LARP1: variants seen among roughly 807,000 people sequenced by gnomAD.
LARP1 encodes la-related protein 1.
LARP1 carries 36 observed loss-of-function variants against 122.7 expected under a neutral mutation model. That is an observed-to-expected ratio of 0.29 (90% CI 0.22 to 0.39). LARP1 has a LOEUF of 0.39. Among genes scored for constraint, LARP1 ranks in the 10% least tolerant of loss-of-function variants. The pLI is 1.00. For synonymous variants in LARP1, 539 were observed against 528.7 expected (o/e 1.02, Z -0.27); for missense variants, 1,040 against 1,403.6 (o/e 0.74, Z 4.14).
intron 1 of LARP1, among the ~76,000 whole-genome samples, chr5:154,723,745 CAGGAAGT>C (rs1307514243): frequency 6.6e-6 from 1 of 152,164 alleles, no homozygotes; most frequent in African/African-American, 2.4e-5. Context: ...AGCCCACAAC[CAGGAAGT>C]AGTATGCCAG....
upstream of LARP1, among the ~76,000 whole-genome samples, chr5:154,754,186 G>A (rs1225137831): frequency 6.6e-6 from 1 of 152,112 alleles, no homozygotes; most frequent in Non-Finnish European, 1.5e-5. Context: ...ATAGATACTA[G>A]ACAATAATTT....
Position 154,756,148 on chromosome 5 carries a change from G to T in LARP1, c.391G>T (p.Ala131Ser). The T allele has an allele frequency of 1.5e-6, 2 of 1,314,132 alleles. No homozygotes were observed. Among genetic ancestry groups the T allele is most frequent in the Non-Finnish European group, 2.0e-6 (2 of 998,058 alleles). The allele number at this position is 1,314,132 out of a possible 1,614,324, so 81.4% of individuals were successfully genotyped here. The change falls in exon 1 of 19, where the codon GCA becomes TCA. Residue 131 changes from alanine (A) to serine (S), a missense_variant. By Grantham distance (99) the Ala-to-Ser change is moderately conservative. Coordinates refer to ENST00000518297, the MANE Select transcript of LARP1 (RefSeq NM_033551.3). Reference sequence around the variant, plus strand: ...CAAGGTGAACCCGTGGACTAAGAACGCATTGCCGCCGGTCCTGACCACCGT... The same window carrying T: ...CAAGGTGAACCCGTGGACTAAGAACTCATTGCCGCCGGTCCTGACCACCGT... ...PPKVNPWTKN[A>S]LPPVLTTVNG...
At chr5:154,749,180 T>C (rs1389623113) in intron 1 of LARP1, among the ~76,000 whole-genome samples, 8 of 151,996 alleles carry the variant, frequency 5.3e-5, no homozygotes, top group Admixed American at 5.2e-4. Context: ...CAGGCAAGTG[T>C]GGTAGACTGG....
intron 16 of LARP1, among the ~76,000 whole-genome samples, chr5:154,811,043 G>A (rs900340046): frequency 2.6e-5 from 4 of 152,212 alleles, no homozygotes; most frequent in African/African-American, 9.6e-5. Flanking sequence ...GTGGCAGGGG[G>A]ACAGAGTTCC....
chr5:154,750,843 G>A (rs1753446790), upstream of LARP1, among the ~76,000 whole-genome samples: 1 of 151,944 alleles, frequency 6.6e-6, no homozygotes, highest in South Asian at 2.1e-4. Flanking sequence ...AAATTCCCGG[G>A]CTCAAGCAAT....
upstream of LARP1, among the ~76,000 whole-genome samples, chr5:154,753,018 T>C (rs1378209845): frequency 3.3e-5 from 5 of 151,956 alleles, no homozygotes; most frequent in Admixed American, 3.3e-4. Flanking sequence ...AGGCCCAGGG[T>C]AGGCAGATCT....
Position 154,802,024 on chromosome 5 carries a change from A to T in LARP1, c.1734A>T (p.Arg578Ser). 6.2e-7 allele frequency: 1 copy of T among 1,612,874 alleles called. No homozygotes were observed. Among genetic ancestry groups the T allele is most frequent in the Non-Finnish European group, 8.5e-7 (1 of 1,179,414 alleles). ...PARPKKSEES[R>S]FSHLTSLPQQ... ...TATTTTAGAAGTCAGAGGAGTCCAG[A>T]TTTTCCCACCTGACCTCTCTGCCTC... Residue 578 changes from arginine (R) to serine (S), a missense_variant, in exon 11 of 19, where the codon AGA (arginine) becomes AGT (serine). Physicochemically the swap from Arg to Ser is moderately radical, Grantham distance 110. Around this residue, in one of 8 missense-constraint regions of LARP1, gnomAD observed 362 missense variants for 533.1 expected, o/e 0.68. Coordinates refer to ENST00000518297, the MANE Select transcript of LARP1 (RefSeq NM_033551.3). The surrounding 1 kb of genome is among the most constrained non-coding windows in gnomAD (Gnocchi z 5.1).
chr5:154,701,009 A>C (rs1163498923), intron 1 of LARP1, among the ~76,000 whole-genome samples: 1 of 151,952 alleles, frequency 6.6e-6, no homozygotes, highest in Non-Finnish European at 1.5e-5. Flanking sequence ...GCATCTCGCT[A>C]TGTTGTCTAG....
intron 1 of LARP1, among the ~76,000 whole-genome samples, chr5:154,736,536 T>TTTTATTTA (rs56109800): frequency 0.098 from 13,054 of 133,078 alleles, 829 homozygotes; most frequent in African/African-American, 0.16. Flanking sequence ...CCTGGCCTAT[T>TTTTATTTA]TTTATTTATT....
At chr5:154,808,158 C>G (rs980205822) in intron 15 of LARP1, among the ~76,000 whole-genome samples, 1 of 152,178 alleles carries the variant, frequency 6.6e-6, no homozygotes. Context: ...CATGCCTTGT[C>G]TTGTCTCGAC....
intron 1 of LARP1, among the ~76,000 whole-genome samples, chr5:154,747,084 C>T (rs942857253): frequency 1.4e-4 from 21 of 151,720 alleles, no homozygotes; most frequent in African/African-American, 3.6e-4. Flanking sequence ...GAGCCGAGAT[C>T]GTGCCACTGC....
At chr5:154,796,136 ATATTTATATATTATATATATATTTTATG>A (rs1294416286) in intron 8 of LARP1, among the ~76,000 whole-genome samples, 100 of 125,410 alleles carry the variant, frequency 8.0e-4, no homozygotes, top group African/African-American at 2.3e-3. Context: ...TATATTTTAT[ATATTTATATATTATATATATATTTTATG>A]TATTTATATA....
rs145211558 is a variant in LARP1 at position 154,805,298 on chromosome 5, G to A, written c.2547-583G>A. On this transcript the variant is annotated intron_variant, in intron 14 of 18. Transcript: ENST00000518297. ...AATCATCATAAAGGTCTTCATCGTC[G>A]TGGTCTTCATGTTTAGCAGGCTGAG... is the stretch of plus-strand genomic sequence containing the variant. 9.0e-5 allele frequency: 20 copies of A among 221,614 alleles called. 1 individual carries two copies. The East Asian group carries it at 2.0e-3, about 22-fold the overall frequency. 13.7% of individuals were successfully genotyped at this position (221,614 alleles called of 1,614,324 possible).
chr5:154,688,814 A>C (rs571882066), intron 1 of LARP1, among the ~76,000 whole-genome samples: 1 of 152,282 alleles, frequency 6.6e-6, no homozygotes, highest in Non-Finnish European at 1.5e-5. Context: ...TGACAGAATG[A>C]GACCCTGGTT....
intron 15 of LARP1, 90 bp downstream of exon 15, chr5:154,806,122 C>A: frequency 7.3e-7 from 1 of 1,364,796 alleles, no homozygotes; most frequent in East Asian, 2.4e-5. Flanking sequence ...ATAGGTGACT[C>A]TTTTCTCTGA....
intron 1 of LARP1, among the ~76,000 whole-genome samples, chr5:154,787,223 G>A (rs766730956): frequency 6.6e-6 from 1 of 152,164 alleles, no homozygotes; most frequent in Non-Finnish European, 1.5e-5. Flanking sequence ...CTGACTGGGC[G>A]TTGGGTCAGT....
At chr5:154,765,959 T>G (rs1437272113) in intron 1 of LARP1, among the ~76,000 whole-genome samples, 1 of 152,156 alleles carries the variant, frequency 6.6e-6, no homozygotes, top group Non-Finnish European at 1.5e-5. Context: ...ATGGAATATG[T>G]TGTGTAGGGA....
chr5:154,755,823 G>T lies in LARP1; in HGVS notation c.66G>T (p.Gly22=). The T allele has an allele frequency of 1.0e-6, 1 of 1,000,470 alleles. No individual in the cohort carries two copies. Among genetic ancestry groups the T allele is most frequent in the Non-Finnish European group, 1.2e-6 (1 of 838,582 alleles). 62.0% of individuals were successfully genotyped at this position (1,000,470 alleles called of 1,614,324 possible). A position where few individuals can be genotyped will look rare whatever the true frequency, so the allele number is the denominator to read the frequency against. Residue 22 remains glycine, a synonymous_variant, in exon 1 of 19, where the codon GGG becomes GGT. Transcript: ENST00000518297. ...CGCTCTTGCAGGCCGAAGAGCACGGGGGGCTGGTGAGGAAGAAGCCGCCGC... is the reference window on the plus strand; with the variant it reads ...CGCTCTTGCAGGCCGAAGAGCACGGTGGGCTGGTGAGGAAGAAGCCGCCGC... ...GATLLQAEEH[G]GLVRKKPPPA...
At chr5:154,810,893 T>C (rs1474101926) in intron 16 of LARP1, among the ~76,000 whole-genome samples, 1 of 152,224 alleles carries the variant, frequency 6.6e-6, no homozygotes, top group Non-Finnish European at 1.5e-5. Context: ...GGCCAACTTT[T>C]TCTAGAAAGA....
Sources: allele counts gnomAD v4.1 joint callset (sites outside exome capture counted in the v4.1 genomes callset), GRCh38; gene constraint gnomAD v4.1.1; regional missense constraint gnomAD v4.1.1; non-coding constraint Gnocchi (gnomAD v3.1); transcripts MANE v1.5; gene names NCBI Gene and HGNC (gene_info 2026-07-23, HGNC 2026-07-21).